The following AK4 variants were observed in gnomAD, a reference collection of about 807,000 sequenced individuals.
AK4 encodes the protein adenylate kinase 4, also known as adenylate kinase 4, mitochondrial.
In AK4, 13 loss-of-function variants were observed where a neutral mutation model predicts 24.6. The ratio of observed to expected loss-of-function variants is 0.53; its 90% CI spans 0.34 to 0.84. The LOEUF is 0.84. AK4 is among the 40% of genes least tolerant of loss of function. The pLI, the probability that AK4 is intolerant of heterozygous loss-of-function variation, is 0.01. For missense variants in AK4, 192 were observed against 288.2 expected (o/e 0.67, Z 2.42); for synonymous variants, 88 against 107.0 (o/e 0.82, Z 1.10).
chr1:65,203,183 G>A (rs1651716365), intron 2 of AK4, among the ~76,000 whole-genome samples: 1 of 152,044 alleles, frequency 6.6e-6, no homozygotes, highest in South Asian at 2.1e-4. Flanking sequence ...GTATAGTCTT[G>A]AGCAAGCAAA....
chr1:65,216,070 T>A (rs899525026), intron 2 of AK4, among the ~76,000 whole-genome samples: 1 of 152,154 alleles, frequency 6.6e-6, no homozygotes, highest in Non-Finnish European at 1.5e-5. Flanking sequence ...TGAATTTACA[T>A]CTTCAATATA....
intron 2 of AK4, among the ~76,000 whole-genome samples, chr1:65,206,733 C>G (rs987357921): frequency 6.6e-6 from 1 of 152,204 alleles, no homozygotes; most frequent in African/African-American, 2.4e-5. Flanking sequence ...GAGCTATGAT[C>G]GCATCACTGC....
At chr1:65,158,668 A>T (rs6680612) in intron 1 of AK4, among the ~76,000 whole-genome samples, 17 of 149,866 alleles carry the variant, frequency 1.1e-4, no homozygotes, top group African/African-American at 3.4e-4. Flanking sequence ...GACCTGCTAA[A>T]TTTTTTTTTT....
intron 1 of AK4, among the ~76,000 whole-genome samples, chr1:65,187,687 ACTTAAAGCC>A (rs1296543179): frequency 1.3e-5 from 2 of 152,248 alleles, no homozygotes; most frequent in East Asian, 1.9e-4. Flanking sequence ...AACATAAAGC[ACTTAAAGCC>A]CAGTGCCTGG....
upstream of AK4, chr1:65,148,106 G>T (rs1011770520): frequency 1.4e-4 from 58 of 414,638 alleles, no homozygotes; most frequent in Middle Eastern, 1.5e-3. Context: ...GAGTCGGCAG[G>T]GCGGGGCACG....
At chr1:65,186,890 C>G (rs1403494060) in intron 1 of AK4, among the ~76,000 whole-genome samples, 1 of 151,998 alleles carries the variant, frequency 6.6e-6, no homozygotes, top group Non-Finnish European at 1.5e-5. Context: ...TCATAATAGC[C>G]AAAAAGTAGA....
chr1:65,172,408 G>T (rs1650566664), intron 1 of AK4, among the ~76,000 whole-genome samples: 1 of 151,930 alleles, frequency 6.6e-6, no homozygotes, highest in Non-Finnish European at 1.5e-5. Flanking sequence ...TGCCTGCTTT[G>T]TTTTCCTCCT....
intron 3 of AK4, among the ~76,000 whole-genome samples, chr1:65,222,941 A>G (rs1020209035): frequency 3.9e-5 from 6 of 152,030 alleles, no homozygotes; most frequent in African/African-American, 1.4e-4. Context: ...CCATTTTGCA[A>G]TTTTAAGGAG....
intron 1 of AK4, among the ~76,000 whole-genome samples, chr1:65,189,680 C>CACA (rs1553124639): frequency 6.6e-6 from 1 of 151,846 alleles, no homozygotes; most frequent in African/African-American, 2.4e-5. Context: ...CACACACACC[C>CACA]CACACATTTA....
chr1:65,157,278 C>T (rs1285790474), intron 1 of AK4, among the ~76,000 whole-genome samples: 1 of 152,178 alleles, frequency 6.6e-6, no homozygotes, highest in Non-Finnish European at 1.5e-5. Flanking sequence ...TAATCAGTCC[C>T]CTGTTGATTG....
chr1:65,157,325 C>T (rs1570063741), intron 1 of AK4, among the ~76,000 whole-genome samples: 1 of 152,318 alleles, frequency 6.6e-6, no homozygotes, highest in East Asian at 1.9e-4. Flanking sequence ...ATATACAGAG[C>T]ATGCTGCACT....
intron 3 of AK4, among the ~76,000 whole-genome samples, chr1:65,223,721 G>A (rs574449887): frequency 3.5e-4 from 53 of 152,028 alleles, no homozygotes; most frequent in Non-Finnish European, 6.6e-4. Context: ...CCAGCCAGGC[G>A]CAGTGGCTTA....
chr1:65,224,890 T>G lies in AK4; in HGVS notation c.557+20T>G. 1.3e-6 allele frequency: 2 copies of G among 1,588,146 alleles called. No individual in the cohort carries two copies. Among genetic ancestry groups the G allele is most frequent in the Non-Finnish European group, 8.6e-7 (1 of 1,156,852 alleles). On this transcript the variant is annotated intron_variant, in intron 4 of 4. Coordinates refer to ENST00000327299, the MANE Select transcript of AK4 (RefSeq NM_013410.4). The stretch of plus-strand genomic sequence containing the variant: ...ATACAAGTGAGTGTGCTTCAATATT[T>G]TCATGACAAAGGACAGACTGGAAAG...
intron 1 of AK4, among the ~76,000 whole-genome samples, chr1:65,175,442 T>C (rs1650681079): frequency 6.6e-6 from 1 of 152,196 alleles, no homozygotes; most frequent in South Asian, 2.1e-4. Context: ...GCAGCCTTGC[T>C]TCTGCTGAGC....
At position 65,150,874 on chromosome 1, in the gene AK4, C is replaced by T. The variant is rs186480056; in HGVS notation, c.145+2322C>T. Among the ~76,000 whole-genome samples the T allele has an allele frequency of 1.6e-4, 25 of 152,314 alleles. No homozygotes were observed. In the East Asian group the frequency reaches 4.8e-3, roughly 29 times the overall value. On this transcript the variant is annotated intron_variant, in intron 1 of 4. Transcript: ENST00000327299. ...GCAGCCTGGTGAAAAGCTGCTCTTT[C>T]AGGAAAGGGCCATTCTGATGTCATT...
rs1009648496 is a variant in AK4, at chr1:65,178,563, G to A, written c.146-12147G>A. Among the ~76,000 whole-genome samples, 15 of 152,244 alleles carry A rather than the reference G, an allele frequency of 9.9e-5. 3 individuals carry two copies. The highest frequency in any genetic ancestry group is 2.0e-4 in the Admixed American group (3 of 15,286). ...ATGTGCTGGTAGATTACAGAAGGGG[G>A]GATTAACTCTCAAGGTAAGATAGGA... is the stretch of plus-strand genomic sequence containing the variant. On this transcript the variant is annotated intron_variant, in intron 1 of 4. Coordinates refer to ENST00000327299, the MANE Select transcript of AK4 (RefSeq NM_013410.4).
In AK4 at chr1:65,148,494, T is replaced by C; in HGVS notation, c.87T>C (p.Phe29=). The change falls in exon 1 of 5, where the codon TTT becomes TTC. Residue 29 remains phenylalanine (F), a synonymous_variant. Transcript: ENST00000327299. ...GTVCQRIAQN[F]GLQHLSSGHF... ...TGTGCCAGAGGATCGCCCAGAACTT[T>C]GGTCTCCAGCATCTCTCCAGCGGCC... The C allele has an allele frequency of 6.3e-7, 1 of 1,586,598 alleles. No homozygotes were observed. The highest frequency in any genetic ancestry group is 8.6e-7 in the Non-Finnish European group (1 of 1,167,034).
chr1:65,201,792 A>G (rs1210632814), intron 2 of AK4, among the ~76,000 whole-genome samples: 1 of 152,166 alleles, frequency 6.6e-6, no homozygotes, highest in East Asian at 1.9e-4. Flanking sequence ...CAGAACCATA[A>G]TTGGAAGGTG....
intron 1 of AK4, among the ~76,000 whole-genome samples, chr1:65,149,333 C>T (rs1649689459): frequency 6.6e-6 from 1 of 152,220 alleles, no homozygotes; most frequent in African/African-American, 2.4e-5. Context: ...TATAGATCGC[C>T]TGATTTCTTA....
Sources: gnomAD v4.1 joint callset for allele counts (sites outside exome capture counted in the v4.1 genomes callset) on GRCh38, gnomAD v4.1.1 for gene constraint, MANE v1.5 for transcripts, NCBI Gene and HGNC (gene_info 2026-07-23, HGNC 2026-07-21) for gene names.